Variants in B3GALT1 observed in about 807,000 individuals in gnomAD.
The protein encoded by B3GALT1 is UDP-Gal:betaGlcNAc beta 1,3-galactosyltransferase, polypeptide 1.
Under a neutral mutation model 23.2 loss-of-function variants are expected in B3GALT1, and 10 were observed. The ratio of observed to expected loss-of-function variants is 0.43; its 90% CI spans 0.27 to 0.73. The LOEUF is 0.73. Among genes scored for constraint, B3GALT1 ranks in the 30% least tolerant of loss-of-function variants. The pLI is 0.21. For synonymous variants in B3GALT1, 156 were observed against 141.5 expected, an observed-to-expected ratio of 1.10 and a Z score of -0.73; for missense variants, 299 against 405.4, an observed-to-expected ratio of 0.74 and a Z score of 2.25.
At chr2:167,582,336 T>C (rs1245095864) in intron 2 of B3GALT1, among the ~76,000 whole-genome samples, 2 of 152,224 alleles carry the variant, frequency 1.3e-5, no homozygotes, top group African/African-American at 4.8e-5. Context: ...GCAGTTGTTT[T>C]AACAATAGTA....
At chr2:167,747,694 C>T (rs1169351205) in intron 3 of B3GALT1, among the ~76,000 whole-genome samples, 2 of 152,204 alleles carry the variant, frequency 1.3e-5, no homozygotes, top group African/African-American at 4.8e-5. Context: ...GCCCAGGGAA[C>T]ATAGTTTCCT....
At chr2:167,487,832 A>G (rs1699650949) in intron 1 of B3GALT1, among the ~76,000 whole-genome samples, 4 of 152,130 alleles carry the variant, frequency 2.6e-5, no homozygotes, top group Admixed American at 2.6e-4. Flanking sequence ...TGCACCTGTC[A>G]CAAGCTTGGA....
chr2:167,522,645 T>C (rs561674535), intron 2 of B3GALT1, among the ~76,000 whole-genome samples: 1 of 152,292 alleles, frequency 6.6e-6, no homozygotes, highest in East Asian at 1.9e-4. Context: ...TTAGCAACTT[T>C]TAGATTTCTT....
chr2:167,809,430 C>A (rs1688831497), intron 3 of B3GALT1, among the ~76,000 whole-genome samples: 1 of 152,138 alleles, frequency 6.6e-6, no homozygotes, highest in African/African-American at 2.4e-5. Context: ...TACCTTTGGT[C>A]TTTGATGATG....
intron 3 of B3GALT1, chr2:167,714,558 T>G (rs1687114776): frequency 6.2e-7 from 1 of 1,613,208 alleles, no homozygotes; most frequent in Non-Finnish European, 8.5e-7. Flanking sequence ...TCAAGTGCAT[T>G]AGGATCTTTT....
intron 2 of B3GALT1, among the ~76,000 whole-genome samples, chr2:167,519,872 G>C (rs1345352978): frequency 6.6e-6 from 1 of 151,966 alleles, no homozygotes; most frequent in Non-Finnish European, 1.5e-5. Context: ...AAGAGTTTGA[G>C]ACCAGCCTGG....
intron 3 of B3GALT1, among the ~76,000 whole-genome samples, chr2:167,804,555 C>T (rs992274354): frequency 3.9e-5 from 6 of 152,046 alleles, no homozygotes; most frequent in Non-Finnish European, 8.8e-5. Context: ...TCAATTCCCA[C>T]CTATGAGTGA....
chr2:167,855,299 C>A (rs1171852140), intron 4 of B3GALT1, among the ~76,000 whole-genome samples: 1 of 152,060 alleles, frequency 6.6e-6, no homozygotes, highest in Non-Finnish European at 1.5e-5. Context: ...GTGTATAGAC[C>A]TACATATTAC....
chr2:167,369,653 A>T (rs2105268432), intron 1 of B3GALT1, among the ~76,000 whole-genome samples: 1 of 152,298 alleles, frequency 6.6e-6, no homozygotes, highest in African/African-American at 2.4e-5. Context: ...AGATTGGAGT[A>T]CATTAAGTGG....
At chr2:167,695,441 A>C (rs1028755646) in intron 3 of B3GALT1, among the ~76,000 whole-genome samples, 16 of 152,148 alleles carry the variant, frequency 1.1e-4, no homozygotes, top group African/African-American at 3.6e-4. Context: ...TGAATTAATA[A>C]ATTTACAAAC....
At chr2:167,822,167 T>C (rs1689120655) in intron 4 of B3GALT1, among the ~76,000 whole-genome samples, 1 of 152,138 alleles carries the variant, frequency 6.6e-6, no homozygotes, top group Non-Finnish European at 1.5e-5. Flanking sequence ...TCCTGTACCA[T>C]CCCTATAGTC....
chr2:167,749,477 A>G (rs1687700145), intron 3 of B3GALT1, among the ~76,000 whole-genome samples: 1 of 152,200 alleles, frequency 6.6e-6, no homozygotes. Flanking sequence ...ATAAGAGACA[A>G]CAAACATTGA....
chr2:167,595,778 A>C (rs2105419435), intron 2 of B3GALT1, among the ~76,000 whole-genome samples: 1 of 152,352 alleles, frequency 6.6e-6, no homozygotes, highest in African/African-American at 2.4e-5. Context: ...GATAAAATGA[A>C]AATGAAAGTT....
chr2:167,378,251 A>G (rs551294249), intron 1 of B3GALT1, among the ~76,000 whole-genome samples: 11 of 152,022 alleles, frequency 7.2e-5, no homozygotes, highest in African/African-American at 2.7e-4. Flanking sequence ...GTTGCCTTTA[A>G]TATTTTTTTC....
intron 3 of B3GALT1, chr2:167,715,734 A>T (rs1687131983): frequency 1.2e-6 from 2 of 1,613,014 alleles, no homozygotes; most frequent in Admixed American, 3.3e-5. Flanking sequence ...TCCTCTAAAG[A>T]TGACTGTACT....
intron 2 of B3GALT1, among the ~76,000 whole-genome samples, chr2:167,598,276 G>A (rs1486136480): frequency 6.6e-6 from 1 of 151,790 alleles, no homozygotes; most frequent in Non-Finnish European, 1.5e-5. Flanking sequence ...GTGAGAGAGT[G>A]ACATGTACAC....
intron 3 of B3GALT1, among the ~76,000 whole-genome samples, chr2:167,668,515 A>C (rs1686255133): frequency 6.6e-6 from 1 of 152,172 alleles, no homozygotes; most frequent in African/African-American, 2.4e-5. Context: ...TTACCTAAGC[A>C]AGCCTGGGCA....
chr2:167,854,846 C>A (rs777001662), intron 4 of B3GALT1, among the ~76,000 whole-genome samples: 1 of 152,150 alleles, frequency 6.6e-6, no homozygotes, highest in South Asian at 2.1e-4. Context: ...TAGTAAGGGG[C>A]AGAGCCTTCT....
At chr2:167,460,388 G>T (rs1699240540) in intron 1 of B3GALT1, among the ~76,000 whole-genome samples, 1 of 151,810 alleles carries the variant, frequency 6.6e-6, no homozygotes, top group Non-Finnish European at 1.5e-5. Flanking sequence ...CTCTGCCTTT[G>T]ACTCCTTCTG....
Sources: gnomAD v4.1 joint callset for allele counts (sites outside exome capture counted in the v4.1 genomes callset) on GRCh38, gnomAD v4.1.1 for gene constraint, MANE v1.5 for transcripts, NCBI Gene and HGNC (gene_info 2026-07-23, HGNC 2026-07-21) for gene names.